EXT1: variants seen among roughly 807,000 people sequenced by gnomAD.
EXT1 encodes the protein exostosin glycosyltransferase 1, also known as exostosin-1.
A neutral mutation model predicts 82.5 loss-of-function variants in EXT1; 20 were observed. The observed-to-expected ratio is 0.24, with a 90% CI of 0.17 to 0.35. The LOEUF is 0.35. EXT1 is among the 10% of genes least tolerant of loss of function. EXT1 has a pLI of 1.00. For missense variants in EXT1, 757 were observed against 936.5 expected, an observed-to-expected ratio of 0.81 and a Z score of 2.50; for synonymous variants, 348 against 350.8, an observed-to-expected ratio of 0.99 and a Z score of 0.09.
chr8:117,836,382 G>C (rs111960972), intron 2 of EXT1, among the ~76,000 whole-genome samples: 32 of 152,320 alleles, frequency 2.1e-4, no homozygotes, highest in South Asian at 1.9e-3. Context: ...AGATGGCAGA[G>C]ATAAGAAGTT....
At chr8:118,105,924 G>C (rs1035685820) in intron 1 of EXT1, among the ~76,000 whole-genome samples, 4 of 152,146 alleles carry the variant, frequency 2.6e-5, no homozygotes, top group African/African-American at 9.7e-5. Flanking sequence ...TTTGCTGTAA[G>C]TGCATGTAAT....
intron 1 of EXT1, among the ~76,000 whole-genome samples, chr8:118,076,555 T>C (rs577695901): frequency 8.1e-4 from 124 of 152,378 alleles, no homozygotes; most frequent in African/African-American, 2.9e-3. Flanking sequence ...TGAAGGCCAA[T>C]GGCTGTGTTA....
intron 4 of EXT1, among the ~76,000 whole-genome samples, chr8:117,822,922 T>C (rs1414356609): frequency 1.3e-5 from 2 of 152,172 alleles, no homozygotes; most frequent in Admixed American, 6.5e-5. Flanking sequence ...CTTTCCCTGA[T>C]GGTTAAACTT....
intron 1 of EXT1, among the ~76,000 whole-genome samples, chr8:117,946,699 G>A (rs934252381): frequency 2.0e-5 from 3 of 152,222 alleles, no homozygotes; most frequent in Non-Finnish European, 4.4e-5. Context: ...ATTGATCCAG[G>A]GCAGGGTGGG....
chr8:118,040,518 T>C (rs1243173764), intron 1 of EXT1, among the ~76,000 whole-genome samples: 1 of 152,208 alleles, frequency 6.6e-6, no homozygotes, highest in Non-Finnish European at 1.5e-5. Context: ...ATTTCCTTTG[T>C]GCTTCCTTCA....
chr8:117,949,328 G>T (rs1442737869), intron 1 of EXT1, among the ~76,000 whole-genome samples: 1 of 151,994 alleles, frequency 6.6e-6, no homozygotes, highest in African/African-American at 2.4e-5. Context: ...TAAAATCGAT[G>T]CATCCATCAT....
Position 118,026,923 on chromosome 8 carries a change from G to A in EXT1, c.962+83162C>T, listed in dbSNP as rs17431450. 7.1e-3 allele frequency among the ~76,000 whole-genome samples: 1,079 copies of A among 152,290 alleles called. 9 individuals are homozygous for A. The highest frequency in any genetic ancestry group is 9.2e-3 in the Non-Finnish European group (625 of 68,018). ...GTCCAAGGTAATGACCCCATGCACA[G>A]CTATAGGAATCTGAGTTACCAAAAA... On this transcript the variant is annotated intron_variant, in intron 1 of 10. Transcript: ENST00000378204.
chr8:118,024,537 A>T (rs1011783695), intron 1 of EXT1, among the ~76,000 whole-genome samples: 3 of 152,224 alleles, frequency 2.0e-5, no homozygotes, highest in Admixed American at 6.5e-5. Flanking sequence ...AAAGAAAAAA[A>T]AAAACAGCTT....
At chr8:117,997,008 G>A (rs957206450) in intron 1 of EXT1, among the ~76,000 whole-genome samples, 2 of 152,242 alleles carry the variant, frequency 1.3e-5, no homozygotes, top group Middle Eastern at 3.4e-3. Flanking sequence ...GAGATAAAGT[G>A]CAAGATGCCT....
intron 1 of EXT1, among the ~76,000 whole-genome samples, chr8:118,102,124 G>A (rs1047457139): frequency 3.3e-5 from 5 of 151,800 alleles, no homozygotes; most frequent in Admixed American, 6.6e-5. Flanking sequence ...AAAATTAGCC[G>A]GGTGTGGTGG....
At chr8:118,005,813 A>G (rs990121192) in intron 1 of EXT1, among the ~76,000 whole-genome samples, 1 of 152,218 alleles carries the variant, frequency 6.6e-6, no homozygotes, top group African/African-American at 2.4e-5. Context: ...AACACACCCT[A>G]TGTATGCTTC....
At chr8:117,808,617 T>G (rs894129256) in intron 8 of EXT1, among the ~76,000 whole-genome samples, 2 of 152,214 alleles carry the variant, frequency 1.3e-5, no homozygotes, top group East Asian at 1.9e-4. Context: ...TTCATCTGTT[T>G]CGCAAATATT....
intron 3 of EXT1, among the ~76,000 whole-genome samples, chr8:117,833,617 A>T (rs1377212891): frequency 6.6e-6 from 1 of 151,798 alleles, no homozygotes; most frequent in African/African-American, 2.4e-5. Flanking sequence ...TCCATCTCAA[A>T]AAAAAAAAAG....
At chr8:117,861,687 G>A (rs1336754219) in intron 1 of EXT1, among the ~76,000 whole-genome samples, 1 of 142,090 alleles carries the variant, frequency 7.0e-6, no homozygotes, top group Admixed American at 7.2e-5. Context: ...GTAGAGATGG[G>A]GTTTTACCAT....
At chr8:118,032,133 A>ATTG (rs1816335914) in intron 1 of EXT1, among the ~76,000 whole-genome samples, 1 of 141,842 alleles carries the variant, frequency 7.1e-6, no homozygotes, top group African/African-American at 2.5e-5. Flanking sequence ...CTCAATGGCC[A>ATTG]AAACCGCGAT....
intron 1 of EXT1, among the ~76,000 whole-genome samples, chr8:117,900,595 AC>A (rs1354662070): frequency 6.6e-6 from 1 of 152,130 alleles, no homozygotes; most frequent in Non-Finnish European, 1.5e-5. Flanking sequence ...TCACTGACAA[AC>A]GGGCTAAGCT....
intron 1 of EXT1, among the ~76,000 whole-genome samples, chr8:117,899,356 T>C (rs1293211598): frequency 6.6e-6 from 1 of 152,234 alleles, no homozygotes; most frequent in Non-Finnish European, 1.5e-5. Flanking sequence ...CCTATTTTAA[T>C]GACAAAGCAT....
intron 1 of EXT1, among the ~76,000 whole-genome samples, chr8:118,057,999 GA>G (rs905675600): frequency 6.2e-5 from 9 of 144,048 alleles, no homozygotes; most frequent in East Asian, 2.0e-4. Flanking sequence ...AAAAGGAAAA[GA>G]AAAAAAAATC....
At chr8:118,054,055 T>C (rs780833710) in intron 1 of EXT1, among the ~76,000 whole-genome samples, 7 of 152,170 alleles carry the variant, frequency 4.6e-5, no homozygotes, top group Non-Finnish European at 1.0e-4. Context: ...GGGATGCTGT[T>C]AAACATCCTA....
Sources: allele counts gnomAD v4.1 joint callset (sites outside exome capture counted in the v4.1 genomes callset), GRCh38; gene constraint gnomAD v4.1.1; transcripts MANE v1.5; gene names NCBI Gene and HGNC (gene_info 2026-07-23, HGNC 2026-07-21).